The following FAF1 variants were observed in gnomAD, a reference collection of about 807,000 sequenced individuals.
FAF1 encodes the protein FAS-associated factor 1.
Under a neutral mutation model 92.5 loss-of-function variants are expected in FAF1, and 25 were observed. That is an observed-to-expected ratio of 0.27 (90% CI 0.20 to 0.38). The LOEUF is 0.38. Ranked by LOEUF, FAF1 falls within the 10% of genes least tolerant of loss-of-function variation. The probability of loss-of-function intolerance (pLI) is 1.00; values close to 1 mark genes in which losing one functional copy is unlikely to be tolerated. For synonymous variants in FAF1, 234 were observed against 273.2 expected (o/e 0.86, Z 1.42); for missense variants, 636 against 793.3 (o/e 0.80, Z 2.38).
At chr1:50,588,864 G>A (rs1394559185) in intron 9 of FAF1, among the ~76,000 whole-genome samples, 1 of 152,244 alleles carries the variant, frequency 6.6e-6, no homozygotes, top group African/African-American at 2.4e-5. Flanking sequence ...TCTGGCAGCA[G>A]ATCCAGATGT....
rs1646822697 is a variant in FAF1, at chr1:50,490,459, GGAAAA to G, written c.1653+124_1653+128del. 3 of 202,180 alleles carry G rather than the reference GGAAAA, an allele frequency of 1.5e-5. No individual in the cohort carries two copies. In the African/African-American group the frequency reaches 2.2e-4, roughly 15 times the overall value. 12.5% of individuals were successfully genotyped at this position (202,180 alleles called of 1,614,324 possible). On this transcript the variant is annotated intron_variant, in intron 17 of 18. Coordinates refer to ENST00000396153, the MANE Select transcript of FAF1 (RefSeq NM_007051.3). ...AGGAAGGAAGGAAGGAAGGAAGGAA[GGAAAA>G]AGAAAGAAGGAAGGAAGGAAGGAAG...
chr1:50,626,566 A>T (rs1159553603), intron 8 of FAF1, among the ~76,000 whole-genome samples: 3 of 152,160 alleles, frequency 2.0e-5, no homozygotes, highest in Non-Finnish European at 2.9e-5. Context: ...ATAAGATAAC[A>T]CTAAAGAAGT....
At chr1:50,926,951 C>T (rs1475917618) in intron 1 of FAF1, among the ~76,000 whole-genome samples, 1 of 152,190 alleles carries the variant, frequency 6.6e-6, no homozygotes, top group South Asian at 2.1e-4. Context: ...GAAATTCTGA[C>T]ACATGCTATA....
At chr1:50,654,773 TTAG>T (rs1655027691) in intron 8 of FAF1, among the ~76,000 whole-genome samples, 1 of 152,192 alleles carries the variant, frequency 6.6e-6, no homozygotes, top group Non-Finnish European at 1.5e-5. Context: ...GAACATTTCA[TTAG>T]TAGTATCTGA....
In FAF1 at chr1:50,746,269, TA is replaced by T. The variant is rs1659593304; in HGVS notation, c.368-1495del. On this transcript the variant is annotated intron_variant, in intron 4 of 18. Transcript: ENST00000396153. ...GAACATATATATATATATATATATA[TA>T]TATATATATATATATATATATATTT... Among the ~76,000 whole-genome samples, 158 of 21,490 alleles carry T rather than the reference TA, an allele frequency of 7.4e-3. 1 individual carries two copies. Among genetic ancestry groups the T allele is most frequent in the Non-Finnish European group, 8.9e-3 (113 of 12,724 alleles). 14.1% of individuals were successfully genotyped at this position (21,490 alleles called of 152,430 possible). A position where few individuals can be genotyped will look rare whatever the true frequency, so the allele number is the denominator to read the frequency against.
intron 12 of FAF1, among the ~76,000 whole-genome samples, chr1:50,568,848 G>C (rs985399188): frequency 2.6e-5 from 4 of 152,170 alleles, no homozygotes; most frequent in African/African-American, 7.2e-5. Context: ...ATGCCAGACT[G>C]CTTTGGGCTG....
chr1:50,825,571 T>C (rs1301727661), intron 2 of FAF1, among the ~76,000 whole-genome samples: 2 of 151,692 alleles, frequency 1.3e-5, no homozygotes, highest in African/African-American at 4.8e-5. Context: ...TCCATAATCA[T>C]AGGGGAGATT....
chr1:50,654,723 T>C (rs1655025356), intron 8 of FAF1, among the ~76,000 whole-genome samples: 2 of 152,202 alleles, frequency 1.3e-5, no homozygotes, highest in Non-Finnish European at 2.9e-5. Context: ...AGCTTGATTT[T>C]GAAATATCTG....
rs142546171 is a variant in FAF1, at chr1:50,771,070, C to T, written c.367+16930G>A. Among the ~76,000 whole-genome samples the T allele has an allele frequency of 1.1e-3, 168 of 152,228 alleles. 1 individual carries two copies. In the East Asian group the frequency reaches 0.022, roughly 20 times the overall value. ...TCATATGCAGAAGACTGAAACTGGA[C>T]CCCTTCCTTACAGCATATACAAAAA... is the stretch of plus-strand genomic sequence containing the variant. On this transcript the variant is annotated intron_variant, in intron 4 of 18. Transcript: ENST00000396153.
At chr1:50,541,988 G>A (rs562053831) in intron 13 of FAF1, among the ~76,000 whole-genome samples, 1 of 152,148 alleles carries the variant, frequency 6.6e-6, no homozygotes, top group Non-Finnish European at 1.5e-5. Flanking sequence ...GGTGCAGATC[G>A]CAAAGCACAC....
intron 15 of FAF1, among the ~76,000 whole-genome samples, chr1:50,525,876 TAC>T (rs1647768619): frequency 6.6e-6 from 1 of 152,190 alleles, no homozygotes; most frequent in Non-Finnish European, 1.5e-5. Context: ...ATATTTCCAG[TAC>T]ACTCTTTCAT....
At chr1:50,586,657 GT>G (rs1421057802) in intron 9 of FAF1, among the ~76,000 whole-genome samples, 3 of 152,106 alleles carry the variant, frequency 2.0e-5, no homozygotes, top group African/African-American at 7.2e-5. Context: ...TCCCTTAATA[GT>G]TTGTTCGTAG....
At chr1:50,707,725 GA>G (rs1422343423) in intron 6 of FAF1, among the ~76,000 whole-genome samples, 1 of 151,348 alleles carries the variant, frequency 6.6e-6, no homozygotes, top group African/African-American at 2.4e-5. Flanking sequence ...AAAGAAAAAA[GA>G]AAAAAAGGAA....
intron 1 of FAF1, among the ~76,000 whole-genome samples, chr1:50,908,989 G>A (rs888508226): frequency 3.3e-5 from 5 of 152,096 alleles, no homozygotes; most frequent in African/African-American, 9.7e-5. Context: ...TTACAATTTG[G>A]CATGTTTTTG....
At chr1:50,758,097 T>C (rs533997739) in intron 4 of FAF1, among the ~76,000 whole-genome samples, 1 of 152,236 alleles carries the variant, frequency 6.6e-6, no homozygotes, top group African/African-American at 2.4e-5. Context: ...TTTGTATTTT[T>C]AGTAGAGACG....
intron 18 of FAF1, among the ~76,000 whole-genome samples, chr1:50,455,908 A>C (rs1039273371): frequency 6.6e-6 from 1 of 151,974 alleles, no homozygotes; most frequent in African/African-American, 2.4e-5. Context: ...CCCTGTCTCT[A>C]CTAAAAACAC....
At chr1:50,927,570 TCATATA>T (rs1170467099) in intron 1 of FAF1, among the ~76,000 whole-genome samples, 3 of 152,170 alleles carry the variant, frequency 2.0e-5, no homozygotes, top group African/African-American at 4.8e-5. Flanking sequence ...CTGTGTGGTT[TCATATA>T]CATAAAGTTT....
At chr1:50,753,440 T>C (rs1325296286) in intron 4 of FAF1, among the ~76,000 whole-genome samples, 1 of 152,218 alleles carries the variant, frequency 6.6e-6, no homozygotes, top group Non-Finnish European at 1.5e-5. Flanking sequence ...ACAAAGAAAG[T>C]TGCTATAAAC....
intron 15 of FAF1, among the ~76,000 whole-genome samples, chr1:50,503,159 T>C (rs1357490782): frequency 6.6e-6 from 1 of 152,142 alleles, no homozygotes; most frequent in Non-Finnish European, 1.5e-5. Flanking sequence ...AAAAGGCAGT[T>C]ATGCAAAATT....
Sources: gnomAD v4.1 joint callset for allele counts (sites outside exome capture counted in the v4.1 genomes callset) on GRCh38, gnomAD v4.1.1 for gene constraint, MANE v1.5 for transcripts, NCBI Gene and HGNC (gene_info 2026-07-23, HGNC 2026-07-21) for gene names.